Variants in GALNT3 observed in about 807,000 individuals in gnomAD.
The protein encoded by GALNT3 is GalNAc transferase 3.
Under a neutral mutation model 69.8 loss-of-function variants are expected in GALNT3, and 51 were observed. The observed-to-expected ratio is 0.73, with a 90% CI of 0.58 to 0.92. The LOEUF is 0.92. GALNT3 is among the 40% of genes least tolerant of loss of function. The pLI, the probability that GALNT3 is intolerant of heterozygous loss-of-function variation, is 0.00. For synonymous variants in GALNT3, 265 were observed against 248.5 expected, an observed-to-expected ratio of 1.07 and a Z score of -0.63; for missense variants, 711 against 760.0, an observed-to-expected ratio of 0.94 and a Z score of 0.76.
rs201022045 is a variant in GALNT3, at chr2:165,759,544, G to A, written c.865C>T (p.Pro289Ser). The A allele has an allele frequency of 1.4e-5, 22 of 1,613,520 alleles. No homozygotes were observed. Among genetic ancestry groups the A allele is most frequent in the Non-Finnish European group, 1.8e-5 (21 of 1,179,882 alleles). Residue 289 changes from proline to serine, a missense_variant, in exon 5 of 11, where the codon CCT (proline) becomes TCT (serine). Coordinates refer to ENST00000392701, the MANE Select transcript of GALNT3 (RefSeq NM_004482.4). Reference protein sequence around the residue: ...HCECFYGWLEPLLARIAENYT... With the variant: ...HCECFYGWLESLLARIAENYT... ...TTCTCAGCTATTCTGGCCAACAGAG[G>A]TTCTAGCCAACCATAGAAACACTCA...
chr2:165,782,386 G>T (rs1050291908), intron 1 of GALNT3, among the ~76,000 whole-genome samples: 1 of 19,882 alleles, frequency 5.0e-5, no homozygotes, highest in Non-Finnish European at 1.1e-4. Context: ...GGAAAAAAAA[G>T]AATTACAAAA....
chr2:165,769,435 A>AATAATAATT (rs1463977967), intron 2 of GALNT3, among the ~76,000 whole-genome samples: 1 of 141,150 alleles, frequency 7.1e-6, no homozygotes, highest in Non-Finnish European at 1.5e-5. Flanking sequence ...TAATAATAAT[A>AATAATAATT]ATAATAAATA....
At chr2:165,771,909 T>C in intron 1 of GALNT3, among the ~76,000 whole-genome samples, 1 of 152,178 alleles carries the variant, frequency 6.6e-6, no homozygotes, top group Admixed American at 6.5e-5. Flanking sequence ...ATAAACAAAA[T>C]AGGCAGAACT....
At chr2:165,793,779 C>G (rs1398047856) in intron 1 of GALNT3, 1 of 152,862 alleles carries the variant, frequency 6.5e-6, no homozygotes, top group African/African-American at 2.4e-5. Flanking sequence ...GGCGGGGGCA[C>G]CGTGGGCGAG....
chr2:165,778,230 A>G (rs367575111), intron 1 of GALNT3, among the ~76,000 whole-genome samples: 1 of 152,200 alleles, frequency 6.6e-6, no homozygotes, highest in East Asian at 1.9e-4. Flanking sequence ...AAAGATATGC[A>G]TTGATTACTT....
At chr2:165,754,253 C>A (rs1012075079) in intron 9 of GALNT3, among the ~76,000 whole-genome samples, 8 of 151,708 alleles carry the variant, frequency 5.3e-5, no homozygotes, top group Non-Finnish European at 4.4e-5. Flanking sequence ...CCACGCCCGA[C>A]AAATTTTTGT....
In GALNT3 at chr2:165,777,077, A is replaced by G. The variant is rs992528697; in HGVS notation, c.-108-6269T>C. Among the ~76,000 whole-genome samples the G allele has an allele frequency of 5.9e-5, 9 of 152,120 alleles. 1 individual carries two copies. The highest frequency in any genetic ancestry group is 1.7e-4 in the African/African-American group (7 of 41,372). On this transcript the variant is annotated intron_variant, in intron 1 of 10. Transcript: ENST00000392701. ...GGAAAGCAGAACATTATAATTTTACATGAAAGTAACATTTAATGAAATAAG... is the reference window on the plus strand; with the variant it reads ...GGAAAGCAGAACATTATAATTTTACGTGAAAGTAACATTTAATGAAATAAG...
At chr2:165,770,880 A>C in intron 1 of GALNT3, 72 bp from the exon 2 acceptor site, 1 of 582,282 alleles carries the variant, frequency 1.7e-6, no homozygotes, top group Non-Finnish European at 2.9e-6. Flanking sequence ...CATTCATTTA[A>C]CCAACAACTG....
chr2:165,789,186 A>G (rs1683292475), intron 1 of GALNT3, among the ~76,000 whole-genome samples: 1 of 152,228 alleles, frequency 6.6e-6, no homozygotes, highest in Non-Finnish European at 1.5e-5. Flanking sequence ...TACCACTCAC[A>G]GCCAGAAAGC....
chr2:165,794,332 C>T (rs1019711059), upstream of GALNT3: 6 of 152,422 alleles, frequency 3.9e-5, no homozygotes, highest in African/African-American at 1.4e-4. Flanking sequence ...TACCTGAGCG[C>T]TCCAGGTGAG....
Position 165,790,027 on chromosome 2 carries a change from TGA to T in GALNT3, c.-109+3986_-109+3987del, listed in dbSNP as rs143158818. On this transcript the variant is annotated intron_variant, in intron 1 of 10. Transcript: ENST00000392701. ...CTATCTATAAATAGAATACAGAGAG[TGA>T]GCAGGTTGTTTGTTCATTTGTTTTT... 4.8e-3 allele frequency among the ~76,000 whole-genome samples: 737 copies of T among 152,170 alleles called. 6 individuals carry two copies. Among genetic ancestry groups the T allele is most frequent in the African/African-American group, 0.017 (689 of 41,508 alleles).
Position 165,770,551 on chromosome 2 carries a change from T to G in GALNT3, c.150A>C (p.Ser50=). The change falls in exon 2 of 11, where the codon TCA becomes TCC. Residue 50 remains serine, a synonymous_variant. Coordinates refer to ENST00000392701, the MANE Select transcript of GALNT3 (RefSeq NM_004482.4). The part of the protein sequence containing the change: ...EVSVQYSKEE[S]RMERNMKNKN... ...TGTTTTTCATGTTCCTTTCCATCCTTGATTCCTCTTTGGAATATTGAACAC... is the reference window on the plus strand; with the variant it reads ...TGTTTTTCATGTTCCTTTCCATCCTGGATTCCTCTTTGGAATATTGAACAC... 6.2e-7 allele frequency: 1 copy of G among 1,614,024 alleles called. No homozygotes were observed. Among genetic ancestry groups the G allele is most frequent in the Non-Finnish European group, 8.5e-7 (1 of 1,179,956 alleles).
intron 2 of GALNT3, among the ~76,000 whole-genome samples, chr2:165,768,999 T>G (rs946929061): frequency 6.6e-6 from 1 of 150,728 alleles, no homozygotes; most frequent in Non-Finnish European, 1.5e-5. Flanking sequence ...TTCACCATGT[T>G]GGCCAGGCTG....
At chr2:165,772,238 A>T (rs762403874) in intron 1 of GALNT3, among the ~76,000 whole-genome samples, 18 of 152,168 alleles carry the variant, frequency 1.2e-4, no homozygotes, top group Non-Finnish European at 2.5e-4. Context: ...GAAATATAGG[A>T]AGCCAGAGGA....
At chr2:165,785,441 T>C (rs1683200890) in intron 1 of GALNT3, among the ~76,000 whole-genome samples, 1 of 152,162 alleles carries the variant, frequency 6.6e-6, no homozygotes, top group East Asian at 1.9e-4. Flanking sequence ...AGGGCAACAG[T>C]GAAAGGAAGA....
intron 1 of GALNT3, among the ~76,000 whole-genome samples, chr2:165,791,976 A>G (rs1302556566): frequency 2.0e-5 from 3 of 152,224 alleles, no homozygotes; most frequent in Non-Finnish European, 4.4e-5. Flanking sequence ...GAAAGAAAAA[A>G]GATAAACATC....
At chr2:165,770,936 A>G (rs1688742425) in intron 1 of GALNT3, 128 bp from the exon 2 acceptor site, 1 of 403,094 alleles carries the variant, frequency 2.5e-6, no homozygotes, top group Non-Finnish European at 4.4e-6. Context: ...GAATACAAAG[A>G]TATCTTGTCC....
Position 165,770,389 on chromosome 2 carries a change from T to G in GALNT3, c.312A>C (p.Ala104=). 6.2e-7 allele frequency: 1 copy of G among 1,614,244 alleles called. No individual in the cohort carries two copies. The highest frequency in any genetic ancestry group is 8.5e-7 in the Non-Finnish European group (1 of 1,180,040). Residue 104 remains alanine, a synonymous_variant, in exon 2 of 11, where the codon GCA becomes GCC. Coordinates refer to ENST00000392701, the MANE Select transcript of GALNT3 (RefSeq NM_004482.4). ...ERPCLQGYYT[A]AELKPVLDRP... is the part of the protein sequence containing the mutation. ...GGTCAAGGACAGGCTTCAATTCTGC[T>G]GCTGTATAATATCCTTGCAAACAAG...
At chr2:165,757,514 C>A (rs1688468000) in intron 6 of GALNT3, among the ~76,000 whole-genome samples, 1 of 152,140 alleles carries the variant, frequency 6.6e-6, no homozygotes, top group Non-Finnish European at 1.5e-5. Flanking sequence ...AAAATGAATT[C>A]CAGGCTTTTG....
Sources: gnomAD v4.1 joint callset for allele counts (sites outside exome capture counted in the v4.1 genomes callset) on GRCh38, gnomAD v4.1.1 for gene constraint, MANE v1.5 for transcripts, NCBI Gene and HGNC (gene_info 2026-07-23, HGNC 2026-07-21) for gene names.